ANP32A: variants seen among roughly 807,000 people sequenced by gnomAD.
ANP32A encodes the protein acidic nuclear phosphoprotein 32 family member A, also known as acidic leucine-rich nuclear phosphoprotein 32 family member A.
A neutral mutation model predicts 33.9 loss-of-function variants in ANP32A; 1 was observed. That is an observed-to-expected ratio of 0.03 (90% CI 0.01 to 0.14). The LOEUF (loss-of-function observed/expected upper bound fraction) is 0.14. Among genes scored for constraint, ANP32A ranks in the 10% least tolerant of loss-of-function variants. The pLI is 1.00. For synonymous variants in ANP32A, 115 were observed against 120.5 expected (o/e 0.95, Z 0.30); for missense variants, 155 against 306.0 (o/e 0.51, Z 3.68).
Position 68,779,873 on chromosome 15 carries a change from T to A in ANP32A, c.*208A>T. On this transcript the variant is annotated 3_prime_UTR_variant, in exon 7 of 7. Transcript: ENST00000465139. ...AAAAGTAGGGGAAAAAAATAAAGAG[T>A]GGCAGTAAAAATAGTATTTTATTCC... 5.7e-6 allele frequency: 3 copies of A among 529,750 alleles called. No individual in the cohort carries two copies. The highest frequency in any genetic ancestry group is 1.0e-5 in the Non-Finnish European group (3 of 300,904). The allele number at this position is 529,750 out of a possible 1,614,324, so 32.8% of individuals were successfully genotyped here. A position where few individuals can be genotyped will look rare whatever the true frequency, so the allele number is the denominator to read the frequency against.
intron 3 of ANP32A, among the ~76,000 whole-genome samples, chr15:68,786,109 G>C (rs1893928590): frequency 1.3e-5 from 2 of 152,028 alleles, no homozygotes; most frequent in Admixed American, 6.6e-5. Context: ...GTGCCTTTTG[G>C]GACAGAAACC....
chr15:68,780,359 A>C lies in ANP32A; in HGVS notation c.688+51T>G. On this transcript the variant is annotated intron_variant, in intron 6 of 6. Coordinates refer to ENST00000465139, the MANE Select transcript of ANP32A (RefSeq NM_006305.4). The surrounding 1 kb of genome is among the most constrained non-coding windows in gnomAD (Gnocchi z 4.3). Reference sequence around the variant, plus strand: ...CTCTGAGTCTAAGCAATCTAAGGCCAAAGTGAAAGGGCCAGGCTGCTACCA... The same window carrying C: ...CTCTGAGTCTAAGCAATCTAAGGCCCAAGTGAAAGGGCCAGGCTGCTACCA... 1 of 1,613,372 alleles carries C rather than the reference A, an allele frequency of 6.2e-7. No homozygotes were observed. Among genetic ancestry groups the C allele is most frequent in the South Asian group, 1.1e-5 (1 of 91,028 alleles).
Position 68,778,810 on chromosome 15 carries a change from C to T in ANP32A, c.*1271G>A, listed in dbSNP as rs552476035. 1.3e-5 allele frequency: 2 copies of T among 152,106 alleles called. No individual in the cohort carries two copies. The highest frequency in any genetic ancestry group is 4.2e-4 in the South Asian group (2 of 4,814). The allele number at this position is 152,106 out of a possible 1,614,324, so 9.4% of individuals were successfully genotyped here. A position where few individuals can be genotyped will look rare whatever the true frequency, so the allele number is the denominator to read the frequency against. On this transcript the variant is annotated 3_prime_UTR_variant, in exon 7 of 7. Transcript: ENST00000465139. ...TAAGAAAAGCTATTCTATCAGGTAA[C>T]AAAAATGAAGCTTCCCCCTCACCTA... is the stretch of plus-strand genomic sequence containing the variant.
intron 5 of ANP32A, chr15:68,781,744 T>A (rs985416653): frequency 6.6e-6 from 1 of 152,558 alleles, no homozygotes; most frequent in Non-Finnish European, 1.5e-5. Context: ...GCTGGAATTA[T>A]AGGCATCCAT....
intron 1 of ANP32A, among the ~76,000 whole-genome samples, chr15:68,810,608 T>C (rs1337954595): frequency 6.6e-6 from 1 of 152,100 alleles, no homozygotes; most frequent in Non-Finnish European, 1.5e-5. Flanking sequence ...AATTTCCAAC[T>C]GGAGAGAATA....
At chr15:68,790,420 G>GAATGCT (rs1893984816) in intron 1 of ANP32A, 1 of 152,296 alleles carries the variant, frequency 6.6e-6, no homozygotes, top group Non-Finnish European at 1.5e-5. Flanking sequence ...GGCTGCCTAG[G>GAATGCT]AATGCTACAG....
intron 1 of ANP32A, among the ~76,000 whole-genome samples, chr15:68,788,459 G>C (rs1893960834): frequency 6.6e-6 from 1 of 152,084 alleles, no homozygotes; most frequent in South Asian, 2.1e-4. Context: ...CCTGAGGCAG[G>C]CGCAGCAGAC....
chr15:68,778,927 A>C lies in ANP32A; in HGVS notation c.*1154T>G, dbSNP rs1367202559. ...AAAAATTGTATAAAAAGATTTATTG[A>C]AATTTATCAATGACAAACAGACATA... On this transcript the variant is annotated 3_prime_UTR_variant, in exon 7 of 7. Coordinates refer to ENST00000465139, the MANE Select transcript of ANP32A (RefSeq NM_006305.4). 6.6e-6 allele frequency: 1 copy of C among 152,194 alleles called. No homozygotes were observed. Among genetic ancestry groups the C allele is most frequent in the East Asian group, 1.9e-4 (1 of 5,202 alleles). 9.4% of individuals were successfully genotyped at this position (152,194 alleles called of 1,614,324 possible).
At chr15:68,782,861 C>G in intron 5 of ANP32A, 95 bp downstream of exon 5, 2 of 1,511,326 alleles carry the variant, frequency 1.3e-6, no homozygotes, top group East Asian at 2.5e-5. Flanking sequence ...CTTTCCTAAC[C>G]AGGGCTCCGG....
intron 1 of ANP32A, among the ~76,000 whole-genome samples, chr15:68,811,575 C>CG (rs1435768162): frequency 6.6e-6 from 1 of 152,172 alleles, no homozygotes; most frequent in African/African-American, 2.4e-5. Flanking sequence ...AGGGACGAGT[C>CG]ACTTACCCTC....
Position 68,780,013 on chromosome 15 carries a change from G to A in ANP32A, c.*68C>T, listed in dbSNP as rs928085591. 9.8e-5 allele frequency: 139 copies of A among 1,424,394 alleles called. No individual in the cohort carries two copies. Among genetic ancestry groups the A allele is most frequent in the East Asian group, 2.1e-4 (9 of 43,468 alleles). The allele number at this position is 1,424,394 out of a possible 1,614,324, so 88.2% of individuals were successfully genotyped here. A position where few individuals can be genotyped will look rare whatever the true frequency, so the allele number is the denominator to read the frequency against. On this transcript the variant is annotated 3_prime_UTR_variant, in exon 7 of 7. Transcript: ENST00000465139. This position sits in a 1 kb window ranked among gnomAD's most constrained non-coding sequence, Gnocchi z 4.3. Reference sequence around the variant, plus strand: ...TTTCAGGGGGCAGGATTGGAGGGGGGGGGGAGAGGGGATATGGGTAAAAAC... The same window carrying A: ...TTTCAGGGGGCAGGATTGGAGGGGGAGGGGAGAGGGGATATGGGTAAAAAC...
At chr15:68,810,688 G>A (rs1327556953) in intron 1 of ANP32A, among the ~76,000 whole-genome samples, 3 of 152,144 alleles carry the variant, frequency 2.0e-5, no homozygotes, top group African/African-American at 7.2e-5. Context: ...AGAGCAACAG[G>A]ACACCAGAAA....
intron 1 of ANP32A, among the ~76,000 whole-genome samples, chr15:68,793,323 T>A (rs1429500648): frequency 6.6e-6 from 1 of 152,212 alleles, no homozygotes; most frequent in South Asian, 2.1e-4. Flanking sequence ...CTATCTTTTA[T>A]AAACACCAGT....
chr15:68,784,545 G>T lies in ANP32A; in HGVS notation c.378C>A (p.Thr126=). Residue 126 remains threonine (T), a synonymous_variant, in exon 4 of 7, where the codon ACC becomes ACA. Coordinates refer to ENST00000465139, the MANE Select transcript of ANP32A (RefSeq NM_006305.4). ...KSLDLFNCEV[T]NLNDYRENVF... is the part of the protein sequence containing the mutation. ...CATTTTCTCGGTAGTCGTTCAGGTT[G>T]GTTACCTCGCAATTGAAAAGGTCTA... 6.2e-7 allele frequency: 1 copy of T among 1,614,132 alleles called. No homozygotes were observed. The highest frequency in any genetic ancestry group is 8.5e-7 in the Non-Finnish European group (1 of 1,180,036).
intron 3 of ANP32A, among the ~76,000 whole-genome samples, chr15:68,785,666 A>G (rs1469424849): frequency 1.3e-5 from 2 of 152,144 alleles, no homozygotes; most frequent in Non-Finnish European, 2.9e-5. Context: ...CCGCCCCAGG[A>G]CGGTAAGGCA....
chr15:68,784,252 G>A lies in ANP32A; in HGVS notation c.526+145C>T. ...CTACTCCCCTCCATAGCTTTGGAAGGTGGTAGCTACCAGACAGACAGCCAG... is the reference window on the plus strand; with the variant it reads ...CTACTCCCCTCCATAGCTTTGGAAGATGGTAGCTACCAGACAGACAGCCAG... On this transcript the variant is annotated intron_variant, in intron 4 of 6. Transcript: ENST00000465139. The A allele has an allele frequency of 4.6e-6, 4 of 863,476 alleles. No individual in the cohort carries two copies. The South Asian group carries it at 6.4e-5, about 14-fold the overall frequency. The allele number at this position is 863,476 out of a possible 1,614,324, so 53.5% of individuals were successfully genotyped here.
intron 1 of ANP32A, chr15:68,817,618 G>A (rs1894401435): frequency 6.6e-6 from 1 of 152,364 alleles, no homozygotes. Flanking sequence ...ATTTAACTAC[G>A]TCTGAGCGCC....
intron 1 of ANP32A, among the ~76,000 whole-genome samples, chr15:68,810,033 G>A (rs765649200): frequency 2.6e-5 from 4 of 152,164 alleles, no homozygotes; most frequent in Non-Finnish European, 5.9e-5. Flanking sequence ...TAAACCTGAC[G>A]GAGGAGGCTG....
intron 3 of ANP32A, among the ~76,000 whole-genome samples, chr15:68,785,445 A>C (rs996518649): frequency 3.3e-5 from 5 of 152,158 alleles, no homozygotes; most frequent in African/African-American, 9.7e-5. Flanking sequence ...AAAAAATCCC[A>C]TCCCAGGCTG....
Sources: gnomAD v4.1 joint callset for allele counts (sites outside exome capture counted in the v4.1 genomes callset) on GRCh38, gnomAD v4.1.1 for gene constraint, Gnocchi (gnomAD v3.1) non-coding constraint, MANE v1.5 for transcripts, NCBI Gene and HGNC (gene_info 2026-07-23, HGNC 2026-07-21) for gene names.